The following GRIK2 variants were observed in gnomAD, a reference collection of about 807,000 sequenced individuals.
GRIK2 encodes the protein glutamate ionotropic receptor kainate type subunit 2.
Under a neutral mutation model 100.3 loss-of-function variants are expected in GRIK2, and 32 were observed. That is an observed-to-expected ratio of 0.32 (90% CI 0.24 to 0.43). The LOEUF (loss-of-function observed/expected upper bound fraction) is 0.43, where lower values mean the gene tolerates loss of function less well. Ranked by LOEUF, GRIK2 falls within the 20% of genes least tolerant of loss-of-function variation. The probability of loss-of-function intolerance (pLI) is 1.00; values close to 1 mark genes in which losing one functional copy is unlikely to be tolerated. For synonymous variants in GRIK2, 417 were observed against 389.4 expected (o/e 1.07, Z -0.83); for missense variants, 843 against 1,114.9 (o/e 0.76, Z 3.47).
chr6:101,619,922 G>A (rs2128316102), intron 2 of GRIK2, among the ~76,000 whole-genome samples: 1 of 152,158 alleles, frequency 6.6e-6, no homozygotes, highest in Non-Finnish European at 1.5e-5. Flanking sequence ...TGACCAGAGG[G>A]GTAATTCCTG....
rs188458168 is a variant in GRIK2, at chr6:101,914,631, A to G, written c.1749-9970A>G. Among the ~76,000 whole-genome samples the G allele has an allele frequency of 6.9e-3, 1,051 of 151,444 alleles. 8 individuals carry two copies. Among genetic ancestry groups the G allele is most frequent in the Non-Finnish European group, 0.012 (799 of 67,614 alleles). ...CCTGACAATGTGTTGCCCCCCCACC[A>G]CACCCAAGTGTTACTCTTTCTAATT... On this transcript the variant is annotated intron_variant, in intron 12 of 16. Coordinates refer to ENST00000369134, the MANE Select transcript of GRIK2 (RefSeq NM_021956.5).
At chr6:101,969,434 A>AT (rs1480785863) in intron 14 of GRIK2, among the ~76,000 whole-genome samples, 7 of 151,952 alleles carry the variant, frequency 4.6e-5, no homozygotes, top group African/African-American at 1.7e-4. Context: ...TTTCAGGTTC[A>AT]TTTTTCCCCA....
intron 14 of GRIK2, among the ~76,000 whole-genome samples, chr6:101,978,176 G>A (rs151054370): frequency 2.0e-4 from 30 of 152,002 alleles, no homozygotes; most frequent in African/African-American, 7.0e-4. Flanking sequence ...GGATATCAGT[G>A]TGTTATGGAT....
chr6:101,610,446 CAT>C (rs1172782598), intron 2 of GRIK2, among the ~76,000 whole-genome samples: 1 of 151,816 alleles, frequency 6.6e-6, no homozygotes, highest in African/African-American at 2.4e-5. Context: ...AAACTCAAAA[CAT>C]ATTTGCATCT....
At chr6:101,465,154 T>C (rs1246491574) in intron 2 of GRIK2, among the ~76,000 whole-genome samples, 2 of 152,194 alleles carry the variant, frequency 1.3e-5, no homozygotes, top group African/African-American at 4.8e-5. Flanking sequence ...CGGGTACAAG[T>C]ATAGTTGTAT....
intron 14 of GRIK2, among the ~76,000 whole-genome samples, chr6:102,019,991 T>A (rs1769339993): frequency 1.3e-5 from 2 of 151,940 alleles, no homozygotes; most frequent in African/African-American, 2.4e-5. Flanking sequence ...GCAGCATTTT[T>A]AAAAATATTG....
At chr6:101,858,351 T>A (rs768943722) in intron 10 of GRIK2, among the ~76,000 whole-genome samples, 10 of 150,264 alleles carry the variant, frequency 6.7e-5, no homozygotes, top group Non-Finnish European at 1.5e-4. Context: ...TTGATAAAGA[T>A]CACTTTCTTC....
At chr6:101,760,432 AATTATAT>A (rs1170258056) in intron 7 of GRIK2, among the ~76,000 whole-genome samples, 2 of 21,692 alleles carry the variant, frequency 9.2e-5, no homozygotes, top group Admixed American at 2.9e-3. Flanking sequence ...AATTATATTT[AATTATAT>A]ATTTATTATA....
At position 101,682,573 on chromosome 6, in the gene GRIK2, G is replaced by C. The variant is rs372400570; in HGVS notation, c.744G>C (p.Met248Ile). The change falls in exon 6 of 17, where the codon ATG becomes ATC. Residue 248 changes from methionine (M) to isoleucine (I), a missense_variant. This residue lies in a region of GRIK2 where 519 missense variants were observed against 643.8 expected (regional missense o/e 0.81). Coordinates refer to ENST00000369134, the MANE Select transcript of GRIK2 (RefSeq NM_021956.5). ...ILKQALAMGMMTEYYHYIFTT... is the reference protein window; with the variant it reads ...ILKQALAMGMITEYYHYIFTT... ...CTTAGGCATTAGCTATGGGAATGAT[G>C]ACAGAATACTATCATTATATCTTTA... is the stretch of plus-strand genomic sequence containing the variant. 3.8e-6 allele frequency: 5 copies of C among 1,329,954 alleles called. No homozygotes were observed. Among genetic ancestry groups the C allele is most frequent in the Non-Finnish European group, 5.4e-6 (5 of 930,174 alleles). 82.4% of individuals were successfully genotyped at this position (1,329,954 alleles called of 1,614,324 possible). A position where few individuals can be genotyped will look rare whatever the true frequency, so the allele number is the denominator to read the frequency against.
intron 2 of GRIK2, among the ~76,000 whole-genome samples, chr6:101,536,920 T>G (rs2128286768): frequency 6.6e-6 from 1 of 151,886 alleles, no homozygotes; most frequent in South Asian, 2.1e-4. Context: ...GTGTTTATAA[T>G]TTTTATCTTC....
intron 14 of GRIK2, among the ~76,000 whole-genome samples, chr6:101,942,747 C>T (rs963455424): frequency 6.6e-5 from 10 of 152,132 alleles, no homozygotes; most frequent in Admixed American, 1.3e-4. Context: ...TAACAGCATA[C>T]AGTCATACAT....
At chr6:101,630,168 A>G (rs139758824) in intron 4 of GRIK2, among the ~76,000 whole-genome samples, 1,861 of 152,236 alleles carry the variant, frequency 0.012, 24 homozygotes, top group South Asian at 0.04. Flanking sequence ...TAGTGCTGCA[A>G]TGAACATATG....
intron 12 of GRIK2, among the ~76,000 whole-genome samples, chr6:101,898,817 G>C (rs1299596528): frequency 1.3e-5 from 2 of 151,912 alleles, no homozygotes; most frequent in Non-Finnish European, 2.9e-5. Context: ...GGATATGAGA[G>C]AAATATCAAT....
intron 15 of GRIK2, among the ~76,000 whole-genome samples, chr6:102,049,748 A>T (rs749766695): frequency 6.6e-6 from 1 of 152,188 alleles, no homozygotes; most frequent in Non-Finnish European, 1.5e-5. Context: ...TATTATAAAA[A>T]GCAAGAATGA....
intron 2 of GRIK2, among the ~76,000 whole-genome samples, chr6:101,504,088 G>A (rs1049189538): frequency 1.3e-5 from 2 of 152,062 alleles, no homozygotes; most frequent in East Asian, 1.9e-4. Context: ...AATATAATAT[G>A]TATAAAGTGG....
intron 6 of GRIK2, among the ~76,000 whole-genome samples, chr6:101,683,321 T>A (rs1472867781): frequency 6.6e-6 from 1 of 152,260 alleles, no homozygotes; most frequent in African/African-American, 2.4e-5. Flanking sequence ...TTACATTTTC[T>A]ATTCTGCTTT....
chr6:101,998,761 T>C lies in GRIK2; in HGVS notation c.2086-36580T>C, dbSNP rs188776961. Reference sequence around the variant, plus strand: ...CTTTCTTCACTGAATTTCCTTTGCATTTAGTTTAAATCACTTGAGCGTATA... The same window carrying C: ...CTTTCTTCACTGAATTTCCTTTGCACTTAGTTTAAATCACTTGAGCGTATA... On this transcript the variant is annotated intron_variant, in intron 14 of 16. Coordinates refer to ENST00000369134, the MANE Select transcript of GRIK2 (RefSeq NM_021956.5). 3.3e-4 allele frequency among the ~76,000 whole-genome samples: 50 copies of C among 152,112 alleles called. 1 individual carries two copies. The highest frequency in any genetic ancestry group is 1.2e-3 in the African/African-American group (48 of 41,540).
intron 10 of GRIK2, among the ~76,000 whole-genome samples, chr6:101,852,748 T>C (rs1283906712): frequency 6.6e-6 from 1 of 152,160 alleles, no homozygotes; most frequent in African/African-American, 2.4e-5. Context: ...AAGTGAATAC[T>C]CAGTACCAGA....
At chr6:101,500,170 C>A (rs1361081594) in intron 2 of GRIK2, among the ~76,000 whole-genome samples, 1 of 151,982 alleles carries the variant, frequency 6.6e-6, no homozygotes, top group African/African-American at 2.4e-5. Flanking sequence ...TATCTTATAT[C>A]AAAATGTCAG....
Sources: gnomAD v4.1 joint callset for allele counts (sites outside exome capture counted in the v4.1 genomes callset) on GRCh38, gnomAD v4.1.1 for gene constraint, gnomAD v4.1.1 regional missense constraint, MANE v1.5 for transcripts, NCBI Gene and HGNC (gene_info 2026-07-23, HGNC 2026-07-21) for gene names.